Variants in LASP1 observed in about 807,000 individuals in gnomAD.
LASP1 encodes the protein LIM and SH3 protein 1, also known as LIM and SH3 domain protein 1.
LASP1 carries 10 observed loss-of-function variants against 38.6 expected under a neutral mutation model. The observed-to-expected ratio is 0.26, with a 90% CI of 0.16 to 0.44. LASP1 has a LOEUF of 0.44. Ranked by LOEUF, LASP1 falls within the 20% of genes least tolerant of loss-of-function variation. The probability of loss-of-function intolerance (pLI) is 1.00; values close to 1 mark genes in which losing one functional copy is unlikely to be tolerated. For synonymous variants in LASP1, 132 were observed against 140.8 expected (o/e 0.94, Z 0.44); for missense variants, 243 against 375.7 (o/e 0.65, Z 2.92).
intron 1 of LASP1, among the ~76,000 whole-genome samples, chr17:38,872,277 G>C (rs1284260888): frequency 6.6e-6 from 1 of 152,100 alleles, no homozygotes; most frequent in Admixed American, 6.5e-5. Context: ...TCTCTGGGAT[G>C]CTCTGTTCAG....
At chr17:38,915,338 C>T (rs1231883265) in intron 6 of LASP1, 192 bp downstream of exon 6, 2 of 516,688 alleles carry the variant, frequency 3.9e-6, no homozygotes, top group South Asian at 4.9e-5. Context: ...TGGGGCCCTG[C>T]GTTCCAGCCC....
intron 1 of LASP1, among the ~76,000 whole-genome samples, chr17:38,873,157 T>C (rs989795662): frequency 3.3e-5 from 5 of 152,292 alleles, no homozygotes; most frequent in African/African-American, 1.2e-4. Flanking sequence ...AGGTAGAGGA[T>C]TGGTCTGCTG....
intron 4 of LASP1, among the ~76,000 whole-genome samples, chr17:38,906,153 C>CT (rs1402772841): frequency 1.3e-5 from 2 of 152,122 alleles, no homozygotes; most frequent in African/African-American, 4.8e-5. Context: ...GAACTGGATT[C>CT]TGACTTAACC....
chr17:38,870,301 G>C lies in LASP1; in HGVS notation c.69+43G>C, dbSNP rs200036239. On this transcript the variant is annotated intron_variant, in intron 1 of 6. Coordinates refer to ENST00000318008, the MANE Select transcript of LASP1 (RefSeq NM_006148.4). ...AGACGCGTCTTTGCAATCCCCCGCAGTGCTCCGAATCCAGGGAGGAGAGAA... is the reference window on the plus strand; with the variant it reads ...AGACGCGTCTTTGCAATCCCCCGCACTGCTCCGAATCCAGGGAGGAGAGAA... 26 of 1,603,096 alleles carry C rather than the reference G, an allele frequency of 1.6e-5. No homozygotes were observed. The East Asian group carries it at 5.8e-4, about 36-fold the overall frequency.
intron 2 of LASP1, among the ~76,000 whole-genome samples, chr17:38,889,954 T>G (rs1316756045): frequency 6.6e-6 from 1 of 152,228 alleles, no homozygotes; most frequent in Non-Finnish European, 1.5e-5. Context: ...TGTGTCCCTT[T>G]GTTTTTCTGT....
At chr17:38,896,967 C>T in intron 3 of LASP1, 2 of 985,438 alleles carry the variant, frequency 2.0e-6, no homozygotes, top group Non-Finnish European at 2.4e-6. Flanking sequence ...ATTTCTCTGC[C>T]TCTGAGTGCC....
rs1367064812 is a variant in LASP1, at chr17:38,920,212, A to G, written c.*1434A>G. The G allele has an allele frequency of 2.0e-6, 1 of 488,822 alleles. No homozygotes were observed. The highest frequency in any genetic ancestry group is 4.0e-6 in the Non-Finnish European group (1 of 250,098). The allele number at this position is 488,822 out of a possible 1,614,324, so 30.3% of individuals were successfully genotyped here. A position where few individuals can be genotyped will look rare whatever the true frequency, so the allele number is the denominator to read the frequency against. On this transcript the variant is annotated 3_prime_UTR_variant, in exon 7 of 7. Coordinates refer to ENST00000318008, the MANE Select transcript of LASP1 (RefSeq NM_006148.4). Reference sequence around the variant, plus strand: ...AGGAAGGCTCTGTCACTCCAGGCATATGTTTCCCCATCTCTGTCTGGGGCT... The same window carrying G: ...AGGAAGGCTCTGTCACTCCAGGCATGTGTTTCCCCATCTCTGTCTGGGGCT...
At chr17:38,888,215 C>A (rs1371556448) in intron 2 of LASP1, among the ~76,000 whole-genome samples, 1 of 152,066 alleles carries the variant, frequency 6.6e-6, no homozygotes, top group Non-Finnish European at 1.5e-5. Context: ...TGCTAGGGGA[C>A]CTTGTGATGA....
At position 38,898,527 on chromosome 17, in the gene LASP1, C is replaced by T. The variant is rs1487518621; in HGVS notation, c.357+8C>T. ...CAGGACCAGATCAGTAACGTGAGCT[C>T]TTGCCCTGCCCTGCGGCATCCCTGC... On this transcript the variant is annotated splice_region_variant and intron_variant, in intron 4 of 6. Transcript: ENST00000318008. 2.0e-6 allele frequency: 3 copies of T among 1,538,042 alleles called. No individual in the cohort carries two copies. Among genetic ancestry groups the T allele is most frequent in the African/African-American group, 2.7e-5 (2 of 72,876 alleles).
intron 4 of LASP1, among the ~76,000 whole-genome samples, chr17:38,905,105 ATTGT>A (rs899808761): frequency 2.0e-5 from 3 of 152,086 alleles, no homozygotes; most frequent in Admixed American, 6.6e-5. Flanking sequence ...ATAGTATTCC[ATTGT>A]TTGTTTATAC....
In LASP1 at chr17:38,878,216, C is replaced by T. The variant is rs747669594; in HGVS notation, c.164+36C>T. 14 of 1,413,160 alleles carry T rather than the reference C, an allele frequency of 9.9e-6. No individual in the cohort carries two copies. In the Admixed American group the frequency reaches 1.7e-4, roughly 17 times the overall value. 87.5% of individuals were successfully genotyped at this position (1,413,160 alleles called of 1,614,324 possible). ...TTCTGGGCAGGGGGCTGGGTGGGCA[C>T]CTTGGCTCCCTCCCCGAGTGAGTTC... On this transcript the variant is annotated intron_variant, in intron 2 of 6. Coordinates refer to ENST00000318008, the MANE Select transcript of LASP1 (RefSeq NM_006148.4).
At chr17:38,884,545 G>T (rs1444729206) in intron 2 of LASP1, among the ~76,000 whole-genome samples, 1 of 151,734 alleles carries the variant, frequency 6.6e-6, no homozygotes. Flanking sequence ...CCGCTACCAT[G>T]CCTGGCTAAT....
In LASP1 at chr17:38,920,396, C is replaced by T. The variant is rs761034132; in HGVS notation, c.*1618C>T. On this transcript the variant is annotated 3_prime_UTR_variant, in exon 7 of 7. Transcript: ENST00000318008. Reference sequence around the variant, plus strand: ...AGCCTCGGGGATGGGGAGGGAAAGACGGTGCTATATCCAGTTCCTGCTCTC... The same window carrying T: ...AGCCTCGGGGATGGGGAGGGAAAGATGGTGCTATATCCAGTTCCTGCTCTC... The T allele has an allele frequency of 2.9e-5, 10 of 340,102 alleles. No individual in the cohort carries two copies. Among genetic ancestry groups the T allele is most frequent in the African/African-American group, 6.0e-5 (3 of 49,604 alleles). 21.1% of individuals were successfully genotyped at this position (340,102 alleles called of 1,614,324 possible).
chr17:38,872,169 C>G (rs1400764913), intron 1 of LASP1, among the ~76,000 whole-genome samples: 2 of 152,188 alleles, frequency 1.3e-5, no homozygotes, highest in Middle Eastern at 3.2e-3. Flanking sequence ...CACCATCTGT[C>G]AGATGGGTAT....
At chr17:38,898,111 A>T (rs929050192) in intron 3 of LASP1, among the ~76,000 whole-genome samples, 2 of 152,176 alleles carry the variant, frequency 1.3e-5, no homozygotes, top group African/African-American at 2.4e-5. Flanking sequence ...CCTGATCCGT[A>T]AATTGGAGCT....
intron 4 of LASP1, among the ~76,000 whole-genome samples, chr17:38,909,997 C>T (rs771764918): frequency 3.3e-5 from 5 of 152,172 alleles, no homozygotes; most frequent in Admixed American, 1.3e-4. Context: ...ATCTGCCAAC[C>T]TCGACCTCCC....
Position 38,876,607 on chromosome 17 carries a change from G to T in LASP1, c.70-1479G>T, listed in dbSNP as rs188513043. 6.6e-4 allele frequency among the ~76,000 whole-genome samples: 100 copies of T among 151,802 alleles called. 1 individual carries two copies. Among genetic ancestry groups the T allele is most frequent in the Admixed American group, 6.5e-3 (99 of 15,248 alleles). ...TTGAACTCCCAACCTCCAGTAATCC[G>T]CCTGCCACAGCCTCCCGAAGTGCTC... On this transcript the variant is annotated intron_variant, in intron 1 of 6. Transcript: ENST00000318008.
rs548710965 is a variant in LASP1 at position 38,919,444 on chromosome 17, C to T, written c.*666C>T. On this transcript the variant is annotated 3_prime_UTR_variant, in exon 7 of 7. Coordinates refer to ENST00000318008, the MANE Select transcript of LASP1 (RefSeq NM_006148.4). Reference sequence around the variant, plus strand: ...CCCTCCTGCCCACGCAGACCTGCAGCGGGCAAAGAGCTCCCGAGGAAGCAC... The same window carrying T: ...CCCTCCTGCCCACGCAGACCTGCAGTGGGCAAAGAGCTCCCGAGGAAGCAC... 2.5e-5 allele frequency: 6 copies of T among 241,638 alleles called. No homozygotes were observed. The highest frequency in any genetic ancestry group is 3.0e-4 in the South Asian group (2 of 6,674). The allele number at this position is 241,638 out of a possible 1,614,324, so 15.0% of individuals were successfully genotyped here.
chr17:38,884,527 A>G (rs1914054508), intron 2 of LASP1, among the ~76,000 whole-genome samples: 1 of 151,774 alleles, frequency 6.6e-6, no homozygotes, highest in African/African-American at 2.4e-5. Context: ...AGCGGGGATT[A>G]CAGGAGGCCG....
Sources: allele counts gnomAD v4.1 joint callset (sites outside exome capture counted in the v4.1 genomes callset), GRCh38; gene constraint gnomAD v4.1.1; transcripts MANE v1.5; gene names NCBI Gene and HGNC (gene_info 2026-07-23, HGNC 2026-07-21).